RFX3: variants seen among roughly 807,000 people sequenced by gnomAD.
RFX3 encodes regulatory factor X3.
Under a neutral mutation model 98.6 loss-of-function variants are expected in RFX3, and 14 were observed. The observed-to-expected ratio is 0.14, with a 90% confidence interval of 0.09 to 0.22. The LOEUF is 0.22. RFX3 is among the 10% of genes least tolerant of loss of function. The probability of loss-of-function intolerance (pLI) is 1.00; values close to 1 mark genes in which losing one functional copy is unlikely to be tolerated. For missense variants in RFX3, 639 were observed against 926.9 expected (o/e 0.69, Z 4.03); for synonymous variants, 383 against 328.4 (o/e 1.17, Z -1.80).
chr9:3,435,514 C>A (rs1286216878), intron 1 of RFX3, among the ~76,000 whole-genome samples: 1 of 151,880 alleles, frequency 6.6e-6, no homozygotes, highest in Non-Finnish European at 1.5e-5. Flanking sequence ...TCTATTATAA[C>A]CTTAGGGGAC....
At chr9:3,357,270 T>A (rs943865512) in intron 2 of RFX3, among the ~76,000 whole-genome samples, 1 of 152,028 alleles carries the variant, frequency 6.6e-6, no homozygotes, top group Non-Finnish European at 1.5e-5. Flanking sequence ...TTTATAATCA[T>A]CCATTAAAAT....
chr9:3,500,125 A>G (rs1815814631), intron 1 of RFX3, among the ~76,000 whole-genome samples: 1 of 152,114 alleles, frequency 6.6e-6, no homozygotes, highest in African/African-American at 2.4e-5. Flanking sequence ...TCCAAAAAAG[A>G]AAGGCCAAGA....
chr9:3,504,150 CAT>C (rs1165378576), intron 1 of RFX3, among the ~76,000 whole-genome samples: 12 of 99,744 alleles, frequency 1.2e-4, no homozygotes, highest in Admixed American at 5.5e-4. Context: ...ATATATTATA[CAT>C]ATTATATATT....
intron 4 of RFX3, among the ~76,000 whole-genome samples, chr9:3,321,320 A>C (rs1486574990): frequency 6.6e-6 from 1 of 152,226 alleles, no homozygotes; most frequent in Admixed American, 6.5e-5. Flanking sequence ...ACTGAGTCAG[A>C]GGATATGTGT....
chr9:3,296,229 T>C (rs1164626427), intron 5 of RFX3, among the ~76,000 whole-genome samples: 1 of 151,876 alleles, frequency 6.6e-6, no homozygotes, highest in East Asian at 1.9e-4. Context: ...TTTTTATATA[T>C]ATATATGGGT....
At chr9:3,324,095 C>A in intron 4 of RFX3, 1 of 415,542 alleles carries the variant, frequency 2.4e-6, no homozygotes, top group Non-Finnish European at 5.2e-6. Flanking sequence ...ACTGAGTTGG[C>A]CTAGGGAAAA....
chr9:3,372,409 T>A (rs74892306), intron 2 of RFX3, among the ~76,000 whole-genome samples: 6,345 of 152,192 alleles, frequency 0.042, 456 homozygotes, highest in African/African-American at 0.14. Flanking sequence ...CTACCACTAT[T>A]TCCAGGGATC....
intron 4 of RFX3, among the ~76,000 whole-genome samples, chr9:3,314,698 AC>A (rs1229670030): frequency 6.6e-6 from 1 of 151,856 alleles, no homozygotes; most frequent in East Asian, 1.9e-4. Flanking sequence ...CAAATGGAAA[AC>A]AAAAAAAAAA....
chr9:3,385,043 C>G (rs534861785), intron 2 of RFX3, among the ~76,000 whole-genome samples: 17 of 152,154 alleles, frequency 1.1e-4, no homozygotes, highest in Admixed American at 5.2e-4. Context: ...CTTTGACACA[C>G]TGATGACAAA....
intron 2 of RFX3, among the ~76,000 whole-genome samples, chr9:3,361,591 G>A (rs1285604353): frequency 2.6e-5 from 4 of 151,200 alleles, no homozygotes; most frequent in African/African-American, 4.9e-5. Flanking sequence ...GGAGGCTGAG[G>A]CGGGAGGACT....
At chr9:3,265,080 A>G (rs111756718) in intron 12 of RFX3, among the ~76,000 whole-genome samples, 73 of 147,702 alleles carry the variant, frequency 4.9e-4, no homozygotes, top group East Asian at 1.7e-3. Flanking sequence ...GACATGCTCT[A>G]CATATGCCAA....
At chr9:3,349,996 A>C (rs1587240817) in intron 2 of RFX3, among the ~76,000 whole-genome samples, 1 of 152,206 alleles carries the variant, frequency 6.6e-6, no homozygotes, top group South Asian at 2.1e-4. Context: ...AGCATCCAAA[A>C]CTTTGAGAAA....
intron 15 of RFX3, among the ~76,000 whole-genome samples, chr9:3,237,279 C>G (rs148649205): frequency 6.6e-6 from 1 of 152,314 alleles, no homozygotes; most frequent in East Asian, 1.9e-4. Context: ...TTGATTACCA[C>G]TTTGGCTACA....
intron 2 of RFX3, among the ~76,000 whole-genome samples, chr9:3,366,265 T>C (rs375359967): frequency 1.3e-5 from 2 of 152,094 alleles, no homozygotes; most frequent in East Asian, 1.9e-4. Context: ...TATAGGAGAG[T>C]ACATATAGTA....
intron 1 of RFX3, among the ~76,000 whole-genome samples, chr9:3,435,891 T>C (rs1447903329): frequency 6.6e-6 from 1 of 151,408 alleles, no homozygotes; most frequent in African/African-American, 2.4e-5. Flanking sequence ...GATGCTGCTC[T>C]CTCAACAATA....
intron 1 of RFX3, among the ~76,000 whole-genome samples, chr9:3,513,286 A>G (rs755508853): frequency 6.6e-6 from 1 of 152,132 alleles, no homozygotes; most frequent in Non-Finnish European, 1.5e-5. Flanking sequence ...TTATTACTAG[A>G]TATGCAGAAT....
chr9:3,296,570 T>C (rs1828019980), intron 5 of RFX3, among the ~76,000 whole-genome samples: 1 of 152,098 alleles, frequency 6.6e-6, no homozygotes, highest in African/African-American at 2.4e-5. Flanking sequence ...TATATATTTA[T>C]ATAAATCACT....
chr9:3,389,365 T>C (rs1363592480), intron 2 of RFX3, among the ~76,000 whole-genome samples: 3 of 152,266 alleles, frequency 2.0e-5, no homozygotes, highest in East Asian at 3.9e-4. Context: ...TCATATTCTA[T>C]AGAGACCCAT....
chr9:3,244,160 G>T (rs757817612), intron 15 of RFX3, among the ~76,000 whole-genome samples: 1 of 151,646 alleles, frequency 6.6e-6, no homozygotes, highest in African/African-American at 2.4e-5. Flanking sequence ...ATGCCACCAC[G>T]CCCGCCTAAT....
Sources: gnomAD v4.1 joint callset for allele counts (sites outside exome capture counted in the v4.1 genomes callset) on GRCh38, gnomAD v4.1.1 for gene constraint, MANE v1.5 for transcripts, NCBI Gene and HGNC (gene_info 2026-07-23, HGNC 2026-07-21) for gene names.